The following FNDC3B variants were observed in gnomAD, a reference collection of about 807,000 sequenced individuals.
FNDC3B encodes fibronectin type III domain-containing protein 3B.
In FNDC3B, 12 loss-of-function variants were observed where a neutral mutation model predicts 151.5. The observed-to-expected ratio is 0.08, with a 90% confidence interval of 0.05 to 0.13. The LOEUF (loss-of-function observed/expected upper bound fraction) is 0.13, where lower values mean the gene tolerates loss of function less well. FNDC3B is among the 10% of genes least tolerant of loss of function. FNDC3B has a pLI of 1.00. For missense variants in FNDC3B, 1,214 were observed against 1,505.3 expected (o/e 0.81, Z 3.20); for synonymous variants, 528 against 549.0 (o/e 0.96, Z 0.54).
chr3:172,147,557 C>T (rs1243039945), intron 3 of FNDC3B, among the ~76,000 whole-genome samples: 1 of 152,080 alleles, frequency 6.6e-6, no homozygotes, highest in Non-Finnish European at 1.5e-5. Context: ...ACATCTATGT[C>T]AGACCCTAAA....
At chr3:172,157,402 C>T (rs56822259) in intron 3 of FNDC3B, among the ~76,000 whole-genome samples, 3,132 of 152,088 alleles carry the variant, frequency 0.021, 106 homozygotes, top group African/African-American at 0.071. Context: ...TAACATCTTG[C>T]ATAACTATAT....
In FNDC3B at chr3:172,141,787, G is replaced by T. The variant is rs372509406; in HGVS notation, c.187+8241G>T. Among the ~76,000 whole-genome samples the T allele has an allele frequency of 9.9e-5, 15 of 152,224 alleles. No homozygotes were observed. The South Asian group carries it at 2.9e-3, about 29-fold the overall frequency. On this transcript the variant is annotated intron_variant, in intron 3 of 25. Coordinates refer to ENST00000415807, the MANE Select transcript of FNDC3B (RefSeq NM_022763.4). ...GATCACTTGAACCTGGGAGATGGAG[G>T]TTGCAGTGAGCTGAGATCGTGCCAT...
intron 1 of FNDC3B, among the ~76,000 whole-genome samples, chr3:172,081,140 C>T (rs535864535): frequency 5.9e-5 from 9 of 152,284 alleles, no homozygotes; most frequent in Middle Eastern, 6.8e-3. Context: ...CAGGATTGAT[C>T]ATAGGTATTG....
Position 172,381,173 on chromosome 3 carries a change from G to T in FNDC3B, c.3303+80G>T, listed in dbSNP as rs538894073. The T allele has an allele frequency of 2.9e-5, 43 of 1,491,690 alleles. No homozygotes were observed. In the South Asian group the frequency reaches 5.0e-4, roughly 17 times the overall value. 92.4% of individuals were successfully genotyped at this position (1,491,690 alleles called of 1,614,324 possible). On this transcript the variant is annotated intron_variant, in intron 25 of 25. Transcript: ENST00000415807. ...TCTGCTTATTGCTATGAATGACTCA[G>T]TGAACTATGTTTTTCTTAAAATCAG...
At chr3:172,365,223 T>A (rs1560101569) in intron 23 of FNDC3B, among the ~76,000 whole-genome samples, 1 of 152,224 alleles carries the variant, frequency 6.6e-6, no homozygotes, top group Non-Finnish European at 1.5e-5. Context: ...GCTTCTGCAG[T>A]TGAAAAGAAC....
intron 3 of FNDC3B, among the ~76,000 whole-genome samples, chr3:172,176,953 C>G (rs1038524759): frequency 2.0e-5 from 3 of 152,008 alleles, no homozygotes; most frequent in African/African-American, 4.8e-5. Flanking sequence ...TGGAAAATTA[C>G]TAAGACAAAA....
intron 1 of FNDC3B, among the ~76,000 whole-genome samples, chr3:172,069,899 T>G (rs1413667647): frequency 1.3e-5 from 2 of 152,216 alleles, no homozygotes; most frequent in Non-Finnish European, 2.9e-5. Flanking sequence ...TATCGTTTAT[T>G]GTAGCATTCT....
chr3:172,063,291 T>C (rs1171515870), intron 1 of FNDC3B, among the ~76,000 whole-genome samples: 1 of 152,212 alleles, frequency 6.6e-6, no homozygotes, highest in African/African-American at 2.4e-5. Context: ...TACCTTTTCT[T>C]GTACATTGTC....
At chr3:172,266,832 C>A (rs1728946045) in intron 6 of FNDC3B, among the ~76,000 whole-genome samples, 1 of 152,202 alleles carries the variant, frequency 6.6e-6, no homozygotes, top group African/African-American at 2.4e-5. Context: ...ATCTCAGAAT[C>A]CTTAACCTAA....
At chr3:172,131,964 T>C (rs1721128470) in intron 2 of FNDC3B, among the ~76,000 whole-genome samples, 1 of 152,234 alleles carries the variant, frequency 6.6e-6, no homozygotes, top group Admixed American at 6.5e-5. Context: ...TGGGGCTAGA[T>C]AGCTGGATGT....
chr3:172,337,753 T>C (rs1576924789), intron 16 of FNDC3B: 1 of 259,620 alleles, frequency 3.9e-6, no homozygotes, highest in East Asian at 1.2e-4. Flanking sequence ...GGCACAAACA[T>C]GGCCCATTGC....
chr3:172,135,693 G>A (rs545936067), intron 3 of FNDC3B, among the ~76,000 whole-genome samples: 18 of 152,250 alleles, frequency 1.2e-4, no homozygotes, highest in African/African-American at 3.6e-4. Context: ...AAGCACTGGG[G>A]CAATAGGATG....
intron 3 of FNDC3B, among the ~76,000 whole-genome samples, chr3:172,177,281 A>C (rs1161513036): frequency 6.6e-6 from 1 of 152,240 alleles, no homozygotes; most frequent in East Asian, 1.9e-4. Flanking sequence ...GGTCTACTGA[A>C]TCAAGATCTC....
intron 3 of FNDC3B, among the ~76,000 whole-genome samples, chr3:172,135,690 G>A (rs1656262423): frequency 1.3e-5 from 2 of 152,122 alleles, no homozygotes; most frequent in African/African-American, 4.8e-5. Context: ...CGGAAGCACT[G>A]GGGCAATAGG....
chr3:172,126,222 A>T (rs1411123688), intron 2 of FNDC3B, among the ~76,000 whole-genome samples: 4 of 152,160 alleles, frequency 2.6e-5, no homozygotes, highest in Non-Finnish European at 4.4e-5. Flanking sequence ...CAACGTGCAT[A>T]GAATCGGCTG....
In FNDC3B at chr3:172,063,575, A is replaced by C. The variant is rs374302664; in HGVS notation, c.-29+23804A>C. On this transcript the variant is annotated intron_variant, in intron 1 of 25. Transcript: ENST00000415807. Reference sequence around the variant, plus strand: ...TCTGAATTGTCTGTGACTGTCTGATATGATTGCTGATCTCTTTCCTGTTCT... The same window carrying C: ...TCTGAATTGTCTGTGACTGTCTGATCTGATTGCTGATCTCTTTCCTGTTCT... Among the ~76,000 whole-genome samples, 54 of 152,294 alleles carry C rather than the reference A, an allele frequency of 3.5e-4. No homozygotes were observed. In the East Asian group the frequency reaches 8.5e-3, roughly 24 times the overall value.
At chr3:172,062,473 G>A (rs1235222074) in intron 1 of FNDC3B, among the ~76,000 whole-genome samples, 1 of 151,982 alleles carries the variant, frequency 6.6e-6, no homozygotes, top group Non-Finnish European at 1.5e-5. Flanking sequence ...TACCACGCCT[G>A]GCTAATTTTT....
At chr3:172,090,309 A>G (rs950012906) in intron 1 of FNDC3B, among the ~76,000 whole-genome samples, 2 of 152,178 alleles carry the variant, frequency 1.3e-5, no homozygotes, top group Non-Finnish European at 2.9e-5. Context: ...CTTGACAGCC[A>G]TCTCTAATTA....
intron 1 of FNDC3B, among the ~76,000 whole-genome samples, chr3:172,107,222 G>C (rs189703857): frequency 6.6e-6 from 1 of 152,298 alleles, no homozygotes; most frequent in Admixed American, 6.5e-5. Context: ...GAGAGGTTGC[G>C]AGGGCCTGTG....
Sources: gnomAD v4.1 joint callset for allele counts (sites outside exome capture counted in the v4.1 genomes callset) on GRCh38, gnomAD v4.1.1 for gene constraint, MANE v1.5 for transcripts, NCBI Gene and HGNC (gene_info 2026-07-23, HGNC 2026-07-21) for gene names.